CR1: variants seen among roughly 807,000 people sequenced by gnomAD.
CR1 encodes the protein complement C3b/C4b receptor 1 (Knops blood group), also known as complement receptor type 1.
A neutral mutation model predicts 187.3 loss-of-function variants in CR1; 116 were observed. The ratio of observed to expected loss-of-function variants is 0.62; its 90% confidence interval spans 0.53 to 0.72. The LOEUF is 0.72. Ranked by LOEUF, CR1 falls within the 30% of genes least tolerant of loss-of-function variation. CR1 has a pLI of 0.00. For synonymous variants in CR1, 576 were observed against 747.1 expected (o/e 0.77, Z 3.73); for missense variants, 1,731 against 2,110.7 (o/e 0.82, Z 3.52).
chr1:207,581,241 CAT>C (rs1660934379), intron 31 of CR1, among the ~76,000 whole-genome samples: 2 of 149,328 alleles, frequency 1.3e-5, no homozygotes, highest in African/African-American at 5.0e-5. Context: ...TAGACGTATA[CAT>C]ATGGACACGT....
chr1:207,639,641 C>CAGT lies in CR1; in HGVS notation c.*234_*236dup. On this transcript the variant is annotated 3_prime_UTR_variant, in exon 47 of 47. Coordinates refer to ENST00000367049, the MANE Select transcript of CR1 (RefSeq NM_000651.6). ...CCTTCTGCCTCGTGCTAAACGCACA[C>CAGT]AGTATCTAGTCAGGGGAAAAGACTG... 1 of 488,314 alleles carries CAGT rather than the reference C, an allele frequency of 2.0e-6. No homozygotes were observed. Among genetic ancestry groups the CAGT allele is most frequent in the South Asian group, 3.4e-5 (1 of 29,242 alleles). 30.2% of individuals were successfully genotyped at this position (488,314 alleles called of 1,614,324 possible).
rs779818824 is a variant in CR1 at position 207,580,255 on chromosome 1, C to T, written c.4952C>T (p.Pro1651Leu). The T allele has an allele frequency of 6.2e-6, 10 of 1,613,728 alleles. 1 individual carries two copies. The East Asian group carries it at 1.6e-4, about 25-fold the overall frequency. Residue 1651 changes from proline (P) to leucine (L), a missense_variant, in exon 30 of 47, where the codon CCA (proline) becomes CTA (leucine). Around this residue, in one of 5 missense-constraint regions of CR1, gnomAD observed 1,312 missense variants for 1,379.6 expected, o/e 0.95. Transcript: ENST00000367049. Reference sequence around the variant, plus strand: ...CTTTCCACAGTGTGTCAGCCGCCTCCAGAAATCCTGCATGGTGAGCATACC... The same window carrying T: ...CTTTCCACAGTGTGTCAGCCGCCTCTAGAAATCCTGCATGGTGAGCATACC... The part of the protein sequence containing the change: ...PSCSRVCQPP[P>L]EILHGEHTPS...
intron 4 of CR1, 103 bp downstream of exon 4, chr1:207,511,757 C>A: frequency 8.7e-7 from 1 of 1,147,546 alleles, no homozygotes; most frequent in Non-Finnish European, 1.3e-6. Context: ...ATCTGTCCTT[C>A]ACACGGCTGA....
chr1:207,565,556 A>C (rs958863127), intron 23 of CR1, among the ~76,000 whole-genome samples: 2 of 150,152 alleles, frequency 1.3e-5, no homozygotes, highest in Admixed American at 1.3e-4. Context: ...TAATCAGTGA[A>C]ACTCCAAGCC....
intron 35 of CR1, among the ~76,000 whole-genome samples, chr1:207,594,224 C>T (rs1384400777): frequency 6.6e-6 from 1 of 152,116 alleles, no homozygotes; most frequent in African/African-American, 2.4e-5. Context: ...CAATGATAGA[C>T]TGGATAAAGA....
In CR1 at chr1:207,565,931, A is replaced by C. The variant is rs1389079353; in HGVS notation, c.3952+8A>C. On this transcript the variant is annotated splice_region_variant and intron_variant, in intron 24 of 46. Transcript: ENST00000367049. ...GTGTTCCAGTGTGTGAACGTGAGTA[A>C]TAGGAGCAACATTTCAGGCCAATCT... 10 of 1,610,970 alleles carry C rather than the reference A, an allele frequency of 6.2e-6. No individual in the cohort carries two copies. The highest frequency in any genetic ancestry group is 8.5e-6 in the Non-Finnish European group (10 of 1,179,726).
chr1:207,584,848 C>T lies in CR1; in HGVS notation c.5502C>T (p.Ala1834=), dbSNP rs887597293. The T allele has an allele frequency of 1.2e-6, 2 of 1,613,816 alleles. No homozygotes were observed. Among genetic ancestry groups the T allele is most frequent in the African/African-American group, 1.3e-5 (1 of 74,914 alleles). ...PHGNGVWSSP[A]PRCELSVRAG... is the part of the protein sequence containing the mutation. ...GGAATGGGGTTTGGAGCAGCCCTGC[C>T]CCTCGCTGTGAACTTTCTGTTCGTG... Residue 1834 remains alanine (A), a synonymous_variant, in exon 33 of 47, where the codon GCC becomes GCT. Coordinates refer to ENST00000367049, the MANE Select transcript of CR1 (RefSeq NM_000651.6).
chr1:207,581,716 G>T (rs981583903), intron 31 of CR1, among the ~76,000 whole-genome samples: 3 of 152,132 alleles, frequency 2.0e-5, no homozygotes, highest in African/African-American at 7.2e-5. Context: ...TGTCCTCACT[G>T]AAAGCTACAC....
At chr1:207,617,678 T>C (rs1662188892) in intron 41 of CR1, among the ~76,000 whole-genome samples, 1 of 99,460 alleles carries the variant, frequency 1.0e-5, no homozygotes, top group Non-Finnish European at 2.5e-5. Flanking sequence ...ACTCTTAGCC[T>C]CCATAGCTCA....
intron 2 of CR1, 32 bp from the exon 3 acceptor site, chr1:207,506,682 C>G (rs750907156): frequency 6.3e-7 from 1 of 1,598,888 alleles, no homozygotes; most frequent in Non-Finnish European, 8.6e-7. Context: ...GTTTACTCTA[C>G]TTGGCTCCAA....
At chr1:207,593,049 C>T (rs1238173580) in intron 35 of CR1, among the ~76,000 whole-genome samples, 3 of 133,628 alleles carry the variant, frequency 2.2e-5, no homozygotes, top group Admixed American at 1.6e-4. Flanking sequence ...AATGCTATCC[C>T]CATCAAATTA....
chr1:207,621,816 T>C (rs1172910282), intron 43 of CR1, among the ~76,000 whole-genome samples, 157 bp from the exon 44 acceptor site: 3 of 152,150 alleles, frequency 2.0e-5, no homozygotes, highest in Non-Finnish European at 4.4e-5. Context: ...GAAGGTAAAA[T>C]GAGAGTATGT....
chr1:207,564,291 T>C (rs1660417593), intron 23 of CR1, 57 bp downstream of exon 23: 1 of 1,593,940 alleles, frequency 6.3e-7, no homozygotes, highest in African/African-American at 1.6e-5. Flanking sequence ...GGAATCAGTC[T>C]AAAAAGGGGA....
intron 46 of CR1, among the ~76,000 whole-genome samples, chr1:207,632,256 A>G (rs1486522176): frequency 6.6e-6 from 1 of 152,204 alleles, no homozygotes; most frequent in East Asian, 1.9e-4. Flanking sequence ...TTGAAGCTTT[A>G]ATGTTTATCT....
intron 1 of CR1, among the ~76,000 whole-genome samples, chr1:207,504,565 T>C (rs1659372086): frequency 6.6e-6 from 1 of 152,102 alleles, no homozygotes; most frequent in South Asian, 2.1e-4. Context: ...TTTGAATAAA[T>C]ATTAACAGAT....
chr1:207,617,569 G>A (rs865961914), intron 41 of CR1, among the ~76,000 whole-genome samples: 5 of 12,026 alleles, frequency 4.2e-4, no homozygotes, highest in South Asian at 4.8e-3. Flanking sequence ...GTATATATAT[G>A]TGTGTGTGTA....
chr1:207,566,821 A>G (rs1360738129), intron 24 of CR1, among the ~76,000 whole-genome samples: 40 of 150,330 alleles, frequency 2.7e-4, no homozygotes, highest in Non-Finnish European at 5.0e-4. Context: ...TAATGATTGG[A>G]AAACGTGTTT....
intron 39 of CR1, among the ~76,000 whole-genome samples, chr1:207,613,279 G>A (rs1213657585): frequency 6.6e-6 from 1 of 152,176 alleles, no homozygotes; most frequent in African/African-American, 2.4e-5. Context: ...AGCGTGGCTG[G>A]TTCTGGGGCT....
intron 25 of CR1, 97 bp downstream of exon 25, chr1:207,568,139 A>C: frequency 6.3e-7 from 1 of 1,595,974 alleles, no homozygotes; most frequent in African/African-American, 1.5e-5. Context: ...ATTTGTATGT[A>C]TGCATTTGCC....
Sources: allele counts gnomAD v4.1 joint callset (sites outside exome capture counted in the v4.1 genomes callset), GRCh38; gene constraint gnomAD v4.1.1; regional missense constraint gnomAD v4.1.1; transcripts MANE v1.5; gene names NCBI Gene and HGNC (gene_info 2026-07-23, HGNC 2026-07-21).